MYO1H: variants seen among roughly 807,000 people sequenced by gnomAD.
MYO1H encodes unconventional myosin-Ih.
MYO1H carries 118 observed loss-of-function variants against 149.3 expected under a neutral mutation model. The ratio of observed to expected loss-of-function variants is 0.79; its 90% CI spans 0.68 to 0.92. The LOEUF (loss-of-function observed/expected upper bound fraction) is 0.92. Among genes scored for constraint, MYO1H ranks in the 40% least tolerant of loss-of-function variants. The probability of loss-of-function intolerance (pLI) is 0.00; values close to 1 mark genes in which losing one functional copy is unlikely to be tolerated. For missense variants in MYO1H, 1,212 were observed against 1,280.7 expected, an observed-to-expected ratio of 0.95 and a Z score of 0.82; for synonymous variants, 447 against 465.2, an observed-to-expected ratio of 0.96 and a Z score of 0.50.
exon 22 of MYO1H, chr12:109,436,520 C>T (rs1233441235): frequency 3.7e-6 from 6 of 1,611,244 alleles, no homozygotes; most frequent in Non-Finnish European, 5.1e-6. Context: ...CAAACGCTGC[C>T]TAGGAAGGAG....
intron 6 of MYO1H, among the ~76,000 whole-genome samples, chr12:109,402,203 T>C (rs935122502): frequency 1.3e-5 from 2 of 152,226 alleles, no homozygotes; most frequent in African/African-American, 4.8e-5. Flanking sequence ...AATATTTGTT[T>C]TTCTGCAGCC....
chr12:109,415,398 C>T, intron 14 of MYO1H, 128 bp from the exon 15 acceptor site: 1 of 743,092 alleles, frequency 1.3e-6, no homozygotes, highest in Non-Finnish European at 2.2e-6. Context: ...TCGCTTAAAC[C>T]CAGGGGGTCG....
At chr12:109,337,522 C>T in the MYO1H span, among the ~76,000 whole-genome samples, 1 of 152,178 alleles carries the variant, frequency 6.6e-6, no homozygotes, top group South Asian at 2.1e-4. Flanking sequence ...GGAAGCAAGA[C>T]ACGTCATACA....
At chr12:109,434,343 G>C (rs988357261) in intron 20 of MYO1H, among the ~76,000 whole-genome samples, 1 of 152,008 alleles carries the variant, frequency 6.6e-6, no homozygotes, top group African/African-American at 2.4e-5. Context: ...CACATTATTT[G>C]TCTGGCTGGG....
chr12:109,317,982 A>G, the MYO1H span, among the ~76,000 whole-genome samples: 1 of 152,226 alleles, frequency 6.6e-6, no homozygotes, highest in African/African-American at 2.4e-5. Flanking sequence ...ATGGTTATCA[A>G]TGACATTTAT....
chr12:109,403,256 A>AT (rs1413371074), intron 6 of MYO1H, among the ~76,000 whole-genome samples: 1 of 152,186 alleles, frequency 6.6e-6, no homozygotes, highest in Non-Finnish European at 1.5e-5. Flanking sequence ...GTAAAAAAAA[A>AT]TTTTTATATC....
At chr12:109,325,628 C>T in the MYO1H span, among the ~76,000 whole-genome samples, 1 of 152,152 alleles carries the variant, frequency 6.6e-6, no homozygotes, top group Non-Finnish European at 1.5e-5. Context: ...AAGCTAGCAT[C>T]AGAGTAAACA....
intron 19 of MYO1H, 60 bp downstream of exon 19, chr12:109,427,646 T>G (rs1871409438): frequency 2.1e-5 from 24 of 1,167,128 alleles, no homozygotes; most frequent in Non-Finnish European, 3.0e-5. Context: ...TGAGAATCTC[T>G]GGGGTTTAGT....
intron 13 of MYO1H, among the ~76,000 whole-genome samples, chr12:109,411,613 A>G (rs1171400824): frequency 2.6e-5 from 4 of 152,198 alleles, no homozygotes; most frequent in Admixed American, 6.5e-5. Context: ...GGTTGGTCAT[A>G]GTAGCTGTGT....
At chr12:109,419,930 A>G (rs1015236657) in intron 15 of MYO1H, among the ~76,000 whole-genome samples, 3 of 151,784 alleles carry the variant, frequency 2.0e-5, no homozygotes, top group African/African-American at 7.2e-5. Flanking sequence ...TTTCTAATGT[A>G]ATTATTAACT....
chr12:109,338,082 C>T, the MYO1H span, among the ~76,000 whole-genome samples: 6 of 152,186 alleles, frequency 3.9e-5, no homozygotes, highest in South Asian at 8.3e-4. Context: ...ATGGATTTTT[C>T]GTTTTCGAGA....
At chr12:109,384,045 G>A (rs1191704605) in intron 1 of MYO1H, among the ~76,000 whole-genome samples, 1 of 152,218 alleles carries the variant, frequency 6.6e-6, no homozygotes. Context: ...TAAATTGTAC[G>A]ACAGGACTGG....
intron 1 of MYO1H, among the ~76,000 whole-genome samples, chr12:109,386,528 T>A (rs1371255039): frequency 6.6e-6 from 1 of 152,218 alleles, no homozygotes; most frequent in Non-Finnish European, 1.5e-5. Context: ...GTTGTCAGTG[T>A]TTTTAATTTT....
chr12:109,358,023 G>A (rs895373570), intron 1 of MYO1H, among the ~76,000 whole-genome samples: 1 of 130,470 alleles, frequency 7.7e-6, no homozygotes, highest in African/African-American at 3.0e-5. Context: ...CAGCAAAACT[G>A]TTCTTGCTTT....
intron 27 of MYO1H, among the ~76,000 whole-genome samples, chr12:109,442,993 C>T (rs1428269070): frequency 1.3e-5 from 1 of 76,348 alleles, no homozygotes; most frequent in Non-Finnish European, 2.4e-5. Context: ...ATGCAGAGAG[C>T]CAGGAAAAAA....
At chr12:109,321,499 G>A in the MYO1H span, among the ~76,000 whole-genome samples, 6 of 152,220 alleles carry the variant, frequency 3.9e-5, no homozygotes, top group South Asian at 1.2e-3. Context: ...GTTGCAGTGA[G>A]CCGAGATTGT....
intron 1 of MYO1H, chr12:109,354,442 A>G (rs576509602): frequency 6.6e-6 from 1 of 151,834 alleles, no homozygotes; most frequent in Non-Finnish European, 1.5e-5. Context: ...GTCTCTACAA[A>G]AAAAAAAGAA....
chr12:109,401,687 C>G (rs1269958645), intron 6 of MYO1H, among the ~76,000 whole-genome samples: 1 of 152,130 alleles, frequency 6.6e-6, no homozygotes, highest in African/African-American at 2.4e-5. Flanking sequence ...TAGAAACTCA[C>G]TGTCCAACTA....
chr12:109,342,535 A>G, the MYO1H span, among the ~76,000 whole-genome samples: 1 of 136,326 alleles, frequency 7.3e-6, no homozygotes, highest in African/African-American at 2.7e-5. Context: ...GAGCATCTTC[A>G]GGAGACTTTT....
Sources: gnomAD v4.1 joint callset for allele counts (sites outside exome capture counted in the v4.1 genomes callset) on GRCh38, gnomAD v4.1.1 for gene constraint, MANE v1.5 for transcripts, NCBI Gene and HGNC (gene_info 2026-07-23, HGNC 2026-07-21) for gene names.